Variants in FAM193A observed in about 807,000 individuals in gnomAD.
FAM193A encodes protein FAM193A.
A neutral mutation model predicts 126.5 loss-of-function variants in FAM193A; 22 were observed. The ratio of observed to expected loss-of-function variants is 0.17; its 90% confidence interval spans 0.12 to 0.25. FAM193A has a LOEUF of 0.25. Among genes scored for constraint, FAM193A ranks in the 10% least tolerant of loss-of-function variants. The probability of loss-of-function intolerance (pLI) is 1.00; values close to 1 mark genes in which losing one functional copy is unlikely to be tolerated. For missense variants in FAM193A, 1,675 were observed against 1,672.8 expected (o/e 1.00, Z -0.02); for synonymous variants, 761 against 646.8 (o/e 1.18, Z -2.68).
At chr4:2,722,762 C>A (rs9291155) in intron 20 of FAM193A, among the ~76,000 whole-genome samples, 5,265 of 152,246 alleles carry the variant, frequency 0.035, 285 homozygotes, top group African/African-American at 0.12. Flanking sequence ...GTTTAAGCAA[C>A]CATAATTAAA....
At chr4:2,569,554 A>G (rs1196901488) in intron 1 of FAM193A, among the ~76,000 whole-genome samples, 1 of 152,148 alleles carries the variant, frequency 6.6e-6, no homozygotes, top group Non-Finnish European at 1.5e-5. Flanking sequence ...TCCGGAGTGC[A>G]GTGGCCGATC....
At chr4:2,593,601 C>T (rs1423469047) in intron 1 of FAM193A, among the ~76,000 whole-genome samples, 2 of 152,212 alleles carry the variant, frequency 1.3e-5, no homozygotes, top group Non-Finnish European at 2.9e-5. Flanking sequence ...CTGGACCAGT[C>T]CCTGAGCATG....
intron 2 of FAM193A, among the ~76,000 whole-genome samples, chr4:2,606,745 T>C (rs75892710): frequency 6.6e-6 from 1 of 152,164 alleles, no homozygotes; most frequent in African/African-American, 2.4e-5. Flanking sequence ...TTTTAAAAAA[T>C]CATATTTGTT....
chr4:2,598,394 T>C lies in FAM193A; in HGVS notation c.501+2065T>C, dbSNP rs531882062. Among the ~76,000 whole-genome samples the C allele has an allele frequency of 2.6e-5, 4 of 152,342 alleles. No individual in the cohort carries two copies. In the South Asian group the frequency reaches 8.3e-4, roughly 32 times the overall value. ...GTTTGTGTTGTTCCCACGTTTGGGC[T>C]ATTTTGAAAAAAGCTGCTATGAACA... On this transcript the variant is annotated intron_variant, in intron 2 of 20. Coordinates refer to ENST00000637812, the MANE Select transcript of FAM193A (RefSeq NM_001366318.2).
chr4:2,637,443 A>G (rs555135654), intron 5 of FAM193A, among the ~76,000 whole-genome samples: 10 of 152,244 alleles, frequency 6.6e-5, no homozygotes, highest in Non-Finnish European at 1.3e-4. Flanking sequence ...CCAGGCTATA[A>G]TAGTGAAGTC....
intron 2 of FAM193A, among the ~76,000 whole-genome samples, chr4:2,602,846 G>C (rs1028437062): frequency 2.0e-5 from 3 of 146,586 alleles, no homozygotes; most frequent in Non-Finnish European, 4.5e-5. Context: ...ATTTTTAGTA[G>C]AGATTGGGTT....
At chr4:2,579,760 T>A (rs1056771224) in intron 1 of FAM193A, among the ~76,000 whole-genome samples, 1 of 152,026 alleles carries the variant, frequency 6.6e-6, no homozygotes, top group African/African-American at 2.4e-5. Context: ...ATGGCTGTTA[T>A]TAAAAAGTTA....
chr4:2,595,438 G>A (rs1360145240), intron 1 of FAM193A, among the ~76,000 whole-genome samples: 2 of 152,104 alleles, frequency 1.3e-5, no homozygotes, highest in Non-Finnish European at 1.5e-5. Context: ...AGGTTTTAAG[G>A]TATAACAATC....
rs997442856 is a variant in FAM193A at position 2,596,281 on chromosome 4, C to T, written c.453C>T (p.Arg151=). The T allele has an allele frequency of 1.1e-5, 8 of 702,876 alleles. No homozygotes were observed. Among genetic ancestry groups the T allele is most frequent in the Non-Finnish European group, 1.8e-5 (7 of 385,010 alleles). The allele number at this position is 702,876 out of a possible 1,614,324, so 43.5% of individuals were successfully genotyped here. A position where few individuals can be genotyped will look rare whatever the true frequency, so the allele number is the denominator to read the frequency against. The change falls in exon 2 of 21, where the codon CGC becomes CGT. Residue 151 remains arginine (R), a synonymous_variant. Transcript: ENST00000637812. ...CACTGTGGGTGTGCCCGGACTGCCG[C>T]AGGACCGTGGAGAAGGAGGAGAGGC... ...HLPLWVCPDC[R]RTVEKEERHG...
chr4:2,643,891 T>C (rs1235975407), intron 6 of FAM193A, among the ~76,000 whole-genome samples: 3 of 152,190 alleles, frequency 2.0e-5, no homozygotes, highest in African/African-American at 7.2e-5. Flanking sequence ...TTGTTGTGGG[T>C]ATCAGTAGCC....
chr4:2,553,465 C>T (rs1738070383), intron 1 of FAM193A, among the ~76,000 whole-genome samples: 1 of 148,952 alleles, frequency 6.7e-6, no homozygotes, highest in Non-Finnish European at 1.5e-5. Context: ...ACCGCAACCT[C>T]TGCCTCCCGG....
intron 2 of FAM193A, among the ~76,000 whole-genome samples, chr4:2,623,499 C>T (rs941774011): frequency 6.6e-6 from 1 of 152,246 alleles, no homozygotes; most frequent in Non-Finnish European, 1.5e-5. Flanking sequence ...CCTCTGCCCA[C>T]TTAGCAACGC....
At chr4:2,680,649 C>CT (rs111612826) in intron 13 of FAM193A, among the ~76,000 whole-genome samples, 3,974 of 148,664 alleles carry the variant, frequency 0.027, 184 homozygotes, top group African/African-American at 0.092. Flanking sequence ...TACTTACTTA[C>CT]TTTTTTTTTT....
chr4:2,664,992 A>G (rs1017985527), intron 12 of FAM193A, among the ~76,000 whole-genome samples: 15 of 152,220 alleles, frequency 9.9e-5, no homozygotes, highest in Admixed American at 7.2e-4. Flanking sequence ...TCTTGAATAT[A>G]TATTTAGAAT....
Position 2,577,422 on chromosome 4 carries a change from G to GTTTTTTT in FAM193A, c.256-18654_256-18648dup, listed in dbSNP as rs986931980. ...ACTCAATTAAAGTGGTTTTTTTTTT[G>GTTTTTTT]TTTTTTTTTTTTTTGAGACAGAGTC... On this transcript the variant is annotated intron_variant, in intron 1 of 20. Coordinates refer to ENST00000637812, the MANE Select transcript of FAM193A (RefSeq NM_001366318.2). 9.5e-5 allele frequency among the ~76,000 whole-genome samples: 11 copies of GTTTTTTT among 115,540 alleles called. 1 individual carries two copies. The highest frequency in any genetic ancestry group is 2.4e-4 in the African/African-American group (7 of 29,546). The allele number at this position is 115,540 out of a possible 152,430, so 75.8% of individuals were successfully genotyped here. A position where few individuals can be genotyped will look rare whatever the true frequency, so the allele number is the denominator to read the frequency against.
In FAM193A at chr4:2,728,991, A is replaced by G. The variant is rs1721078056; in HGVS notation, c.4455-2784A>G. ...CAGTGGCGCATTCTCAGTTTGTTAC[A>G]GTGGGTAGCTAGTCAGGTGTGAGCA... On this transcript the variant is annotated intron_variant, in intron 20 of 20. Transcript: ENST00000637812. 3.5e-5 allele frequency among the ~76,000 whole-genome samples: 5 copies of G among 140,902 alleles called. No individual in the cohort carries two copies. In the South Asian group the frequency reaches 1.1e-3, roughly 31 times the overall value. 92.4% of individuals were successfully genotyped at this position (140,902 alleles called of 152,430 possible). A position where few individuals can be genotyped will look rare whatever the true frequency, so the allele number is the denominator to read the frequency against.
intron 13 of FAM193A, among the ~76,000 whole-genome samples, chr4:2,679,945 C>A (rs141753493): frequency 6.6e-6 from 1 of 151,266 alleles, no homozygotes. Flanking sequence ...CTGCAACCTC[C>A]GCCTCTCAGA....
chr4:2,720,727 T>C (rs1206846880), intron 20 of FAM193A, among the ~76,000 whole-genome samples: 3 of 151,944 alleles, frequency 2.0e-5, no homozygotes, highest in African/African-American at 7.3e-5. Flanking sequence ...AGAGCATTTA[T>C]AATAGCACCA....
intron 1 of FAM193A, among the ~76,000 whole-genome samples, chr4:2,585,702 G>C (rs759712126): frequency 6.6e-6 from 1 of 152,084 alleles, no homozygotes; most frequent in East Asian, 1.9e-4. Context: ...CAAAGTGGGC[G>C]GATCACCTGA....
Sources: gnomAD v4.1 joint callset for allele counts (sites outside exome capture counted in the v4.1 genomes callset) on GRCh38, gnomAD v4.1.1 for gene constraint, MANE v1.5 for transcripts, NCBI Gene and HGNC (gene_info 2026-07-23, HGNC 2026-07-21) for gene names.